The following PDE10A variants were observed in gnomAD, a reference collection of about 807,000 sequenced individuals.
The protein encoded by PDE10A is phosphodiesterase 10A.
PDE10A carries 39 observed loss-of-function variants against 97.7 expected under a neutral mutation model. The ratio of observed to expected loss-of-function variants is 0.40; its 90% CI spans 0.31 to 0.52. The LOEUF (loss-of-function observed/expected upper bound fraction) is 0.52. PDE10A is among the 20% of genes least tolerant of loss of function. The pLI, the probability that PDE10A is intolerant of heterozygous loss-of-function variation, is 0.56. For synonymous variants in PDE10A, 371 were observed against 376.8 expected (o/e 0.98, Z 0.18); for missense variants, 731 against 1,047.8 (o/e 0.70, Z 4.17).
intron 2 of PDE10A, among the ~76,000 whole-genome samples, chr6:165,517,716 C>T (rs1156430055): frequency 6.6e-6 from 1 of 152,038 alleles, no homozygotes; most frequent in Non-Finnish European, 1.5e-5. Context: ...TTGCCAAGGA[C>T]GGGGTGAATG....
At chr6:165,572,691 A>G (rs890028793) in intron 1 of PDE10A, among the ~76,000 whole-genome samples, 4 of 152,228 alleles carry the variant, frequency 2.6e-5, no homozygotes, top group African/African-American at 9.6e-5. Context: ...TTTGAGCCTT[A>G]GGAGTTTGAG....
At chr6:165,942,326 A>C (rs1236002197) in intron 1 of PDE10A, among the ~76,000 whole-genome samples, 1 of 151,986 alleles carries the variant, frequency 6.6e-6, no homozygotes, top group Non-Finnish European at 1.5e-5. Flanking sequence ...ATGCGCACAC[A>C]CACACACACC....
intron 2 of PDE10A, among the ~76,000 whole-genome samples, chr6:165,525,094 C>G (rs537509): frequency 0.84 from 128,003 of 152,014 alleles, 53,932 homozygotes; most frequent in East Asian, 0.96. Context: ...CCCAATACTC[C>G]TTTGCTTCTA....
At chr6:165,600,077 CCT>C (rs980215723) in intron 1 of PDE10A, among the ~76,000 whole-genome samples, 1 of 152,180 alleles carries the variant, frequency 6.6e-6, no homozygotes, top group Non-Finnish European at 1.5e-5. Flanking sequence ...CCACACCGCA[CCT>C]CACACACCCC....
At chr6:165,517,261 C>T (rs759269037) in intron 2 of PDE10A, among the ~76,000 whole-genome samples, 15 of 152,124 alleles carry the variant, frequency 9.9e-5, no homozygotes, top group Non-Finnish European at 2.1e-4. Flanking sequence ...AAATAGATGA[C>T]ATTTTTCACA....
intron 1 of PDE10A, among the ~76,000 whole-genome samples, chr6:165,791,155 T>C (rs1778639911): frequency 6.6e-6 from 1 of 151,890 alleles, no homozygotes; most frequent in Admixed American, 6.5e-5. Flanking sequence ...CACTATGTTG[T>C]CCAGGCTGGT....
At chr6:165,731,277 G>T (rs1408752747) in intron 1 of PDE10A, among the ~76,000 whole-genome samples, 2 of 152,168 alleles carry the variant, frequency 1.3e-5, no homozygotes, top group Non-Finnish European at 2.9e-5. Context: ...ACTGAGCCCT[G>T]TACGGGGGGA....
chr6:165,602,342 C>T (rs149284969), intron 1 of PDE10A, among the ~76,000 whole-genome samples: 179 of 152,218 alleles, frequency 1.2e-3, no homozygotes, highest in African/African-American at 4.2e-3. Context: ...GCTACCAGCC[C>T]GTGTGAGTGG....
At chr6:165,577,319 C>T (rs77394816) in intron 1 of PDE10A, among the ~76,000 whole-genome samples, 27 of 152,314 alleles carry the variant, frequency 1.8e-4, no homozygotes, top group African/African-American at 6.5e-4. Context: ...CTCAGAAGTA[C>T]TCTCCTGGGG....
At chr6:165,389,478 G>A (rs1250690408) in intron 16 of PDE10A, among the ~76,000 whole-genome samples, 22 of 152,176 alleles carry the variant, frequency 1.4e-4, no homozygotes, top group Admixed American at 1.4e-3. Context: ...AAGGACATGA[G>A]GAGGGGTCAA....
intron 18 of PDE10A, among the ~76,000 whole-genome samples, chr6:165,360,795 T>A (rs78487704): frequency 6.6e-6 from 1 of 152,140 alleles, no homozygotes; most frequent in African/African-American, 2.4e-5. Flanking sequence ...CTGATGGCTG[T>A]TGGAACTTAA....
chr6:165,374,370 A>C (rs62442144), intron 18 of PDE10A, among the ~76,000 whole-genome samples: 13,528 of 152,026 alleles, frequency 0.089, 872 homozygotes, highest in East Asian at 0.27. Context: ...GAAAATCTGA[A>C]TAAGTTTTTT....
chr6:165,799,606 C>T (rs1436229798), intron 1 of PDE10A, among the ~76,000 whole-genome samples: 1 of 152,172 alleles, frequency 6.6e-6, no homozygotes, highest in Non-Finnish European at 1.5e-5. Context: ...AATGAATATG[C>T]ATCAAGCTTC....
intron 18 of PDE10A, among the ~76,000 whole-genome samples, chr6:165,343,911 A>G (rs1782136309): frequency 6.6e-6 from 1 of 152,178 alleles, no homozygotes; most frequent in African/African-American, 2.4e-5. Flanking sequence ...TTCATTTTAT[A>G]TTAGCAAAGT....
At chr6:165,743,056 C>T (rs374696683) in intron 1 of PDE10A, among the ~76,000 whole-genome samples, 1 of 152,296 alleles carries the variant, frequency 6.6e-6, no homozygotes, top group African/African-American at 2.4e-5. Flanking sequence ...CCTGTAGCAC[C>T]CCTACCCTGC....
intron 1 of PDE10A, among the ~76,000 whole-genome samples, chr6:165,623,908 C>T (rs1347813682): frequency 6.6e-6 from 1 of 152,242 alleles, no homozygotes; most frequent in East Asian, 1.9e-4. Context: ...GCTTCCTCCT[C>T]CTCAGTGGCT....
intron 1 of PDE10A, among the ~76,000 whole-genome samples, chr6:165,945,528 T>C (rs577663170): frequency 1.3e-5 from 2 of 152,224 alleles, no homozygotes; most frequent in Admixed American, 1.3e-4. Context: ...TGGGGGGTGA[T>C]TAGGTCATGA....
intron 10 of PDE10A, among the ~76,000 whole-genome samples, chr6:165,425,239 C>A (rs567181396): frequency 9.9e-5 from 15 of 152,030 alleles, no homozygotes; most frequent in African/African-American, 2.9e-4. Context: ...TTAAAAAAAA[C>A]TGAAAATAAG....
chr6:165,735,487 T>C (rs543103697), intron 1 of PDE10A, among the ~76,000 whole-genome samples: 1 of 152,120 alleles, frequency 6.6e-6, no homozygotes, highest in Admixed American at 6.5e-5. Flanking sequence ...GGAAGATAGG[T>C]AGATGAAGGT....
Sources: gnomAD v4.1 joint callset for allele counts (sites outside exome capture counted in the v4.1 genomes callset) on GRCh38, gnomAD v4.1.1 for gene constraint, MANE v1.5 for transcripts, NCBI Gene and HGNC (gene_info 2026-07-23, HGNC 2026-07-21) for gene names.